Variants in THEMIS observed in about 807,000 individuals in gnomAD.
The protein encoded by THEMIS is protein THEMIS.
A neutral mutation model predicts 52.6 loss-of-function variants in THEMIS; 37 were observed. The observed-to-expected ratio is 0.70, with a 90% CI of 0.54 to 0.93. The LOEUF is 0.93. Ranked by LOEUF, THEMIS falls within the 40% of genes least tolerant of loss-of-function variation. The pLI is 0.00. For synonymous variants in THEMIS, 292 were observed against 272.7 expected (o/e 1.07, Z -0.70); for missense variants, 808 against 763.1 (o/e 1.06, Z -0.69).
rs184873867 is a variant in THEMIS at position 127,883,138 on chromosome 6, C to T, written c.91+17704G>A. On this transcript the variant is annotated intron_variant, in intron 1 of 5. Transcript: ENST00000368248. ...GATTTCTTATGCATGTTTACTTCAA[C>T]AACTAAATTTGTGTAGCCAAAATGC... Among the ~76,000 whole-genome samples the T allele has an allele frequency of 1.3e-3, 199 of 152,060 alleles. No homozygotes were observed. In the East Asian group the frequency reaches 0.013, roughly 10 times the overall value.
chr6:127,764,036 G>A (rs1467074749), intron 4 of THEMIS, among the ~76,000 whole-genome samples: 1 of 151,894 alleles, frequency 6.6e-6, no homozygotes, highest in Non-Finnish European at 1.5e-5. Flanking sequence ...AGAAACAAAT[G>A]AGAGTATCAT....
Position 127,855,144 on chromosome 6 carries a change from C to T in THEMIS, c.136G>A (p.Gly46Arg), listed in dbSNP as rs376807047. Residue 46 changes from glycine to arginine, a missense_variant, in exon 2 of 6, where the codon GGA becomes AGA. Physicochemically the swap from Gly to Arg is moderately radical, Grantham distance 125. Transcript: ENST00000368248. ...AGACCAGTAATTTTAATCACTTCTC[C>T]TGTTGAAAAACAGCATTCATTTCCA... Reference protein sequence around the residue: ...MFGNECCFSTGEVIKITGLKV... With the variant: ...MFGNECCFSTREVIKITGLKV... The T allele has an allele frequency of 3.2e-5, 51 of 1,607,906 alleles. No homozygotes were observed. Among genetic ancestry groups the T allele is most frequent in the Non-Finnish European group, 4.1e-5 (48 of 1,177,360 alleles).
chr6:127,802,227 C>T (rs983503729), intron 4 of THEMIS, among the ~76,000 whole-genome samples: 2 of 152,064 alleles, frequency 1.3e-5, no homozygotes, highest in African/African-American at 4.8e-5. Flanking sequence ...CCTACTCATC[C>T]CAGCTGGGAG....
At chr6:127,821,291 G>T (rs944858917) in intron 3 of THEMIS, among the ~76,000 whole-genome samples, 4 of 151,950 alleles carry the variant, frequency 2.6e-5, no homozygotes, top group Admixed American at 2.0e-4. Flanking sequence ...ATTAGAAAAT[G>T]TCATTTTCCA....
chr6:127,876,265 A>C (rs2114405498), intron 1 of THEMIS, among the ~76,000 whole-genome samples: 1 of 152,320 alleles, frequency 6.6e-6, no homozygotes, highest in Non-Finnish European at 1.5e-5. Flanking sequence ...ACCAGCAGGC[A>C]CTGGCACTAG....
At chr6:127,764,014 T>C (rs1375963986) in intron 4 of THEMIS, among the ~76,000 whole-genome samples, 1 of 151,892 alleles carries the variant, frequency 6.6e-6, no homozygotes, top group Non-Finnish European at 1.5e-5. Flanking sequence ...TTTAATTAGA[T>C]GTAGTTAAGG....
intron 2 of THEMIS, among the ~76,000 whole-genome samples, chr6:127,838,475 T>C (rs1008982361): frequency 1.3e-5 from 2 of 152,080 alleles, no homozygotes; most frequent in African/African-American, 4.8e-5. Flanking sequence ...TTTTAAAAAT[T>C]GAGTTATCTT....
exon 1 of THEMIS, chr6:127,918,462 T>C (rs766367771): frequency 7.9e-5 from 12 of 152,220 alleles, no homozygotes; most frequent in African/African-American, 1.2e-4. Flanking sequence ...ATGATCATTA[T>C]CTGCGTAAGA....
chr6:127,710,644 C>T (rs1749635752), intron 5 of THEMIS, among the ~76,000 whole-genome samples: 1 of 152,026 alleles, frequency 6.6e-6, no homozygotes, highest in African/African-American at 2.4e-5. Flanking sequence ...TCATGTCAGA[C>T]TCTCAAATAA....
chr6:127,811,082 C>A (rs1420795286), intron 4 of THEMIS, among the ~76,000 whole-genome samples: 1 of 152,018 alleles, frequency 6.6e-6, no homozygotes, highest in African/African-American at 2.4e-5. Context: ...ACAACAACAA[C>A]AAAAAGTTTC....
At chr6:127,732,253 C>T (rs1174408485) in intron 4 of THEMIS, among the ~76,000 whole-genome samples, 3 of 151,894 alleles carry the variant, frequency 2.0e-5, no homozygotes, top group African/African-American at 2.4e-5. Flanking sequence ...TCATTTCAAT[C>T]ATTTTTAGGA....
At chr6:127,835,001 G>C (rs577460997) in intron 2 of THEMIS, among the ~76,000 whole-genome samples, 44 of 152,252 alleles carry the variant, frequency 2.9e-4, no homozygotes, top group African/African-American at 1.1e-3. Context: ...ACGATGAGGA[G>C]AGAGAATGTG....
chr6:127,871,138 C>A (rs9385442), intron 1 of THEMIS, among the ~76,000 whole-genome samples: 38 of 152,042 alleles, frequency 2.5e-4, no homozygotes, highest in African/African-American at 9.2e-4. Flanking sequence ...TATTCTATGA[C>A]CACAATGAAT....
intron 4 of THEMIS, among the ~76,000 whole-genome samples, chr6:127,757,919 T>TA (rs776025457): frequency 2.0e-5 from 3 of 152,062 alleles, no homozygotes; most frequent in African/African-American, 7.2e-5. Context: ...AGACAATAAT[T>TA]ATTCTCTATA....
At chr6:127,744,696 T>C (rs1775325783) in intron 4 of THEMIS, among the ~76,000 whole-genome samples, 1 of 151,988 alleles carries the variant, frequency 6.6e-6, no homozygotes, top group Non-Finnish European at 1.5e-5. Context: ...GGTGTTCTTG[T>C]TCAATGAATA....
At chr6:127,824,718 C>T (rs1160276637) in intron 3 of THEMIS, among the ~76,000 whole-genome samples, 1 of 152,156 alleles carries the variant, frequency 6.6e-6, no homozygotes, top group Non-Finnish European at 1.5e-5. Context: ...AGGATGGTCT[C>T]GATCTCCTGA....
chr6:127,849,666 G>A (rs959575009), intron 2 of THEMIS, among the ~76,000 whole-genome samples: 5 of 151,800 alleles, frequency 3.3e-5, no homozygotes, highest in Non-Finnish European at 7.4e-5. Flanking sequence ...TTCAATAAAT[G>A]GTGCTAGAAA....
rs993381843 is a variant in THEMIS at position 127,815,780 on chromosome 6, C to T, written c.710-1849G>A. ...AATTCTAGAGCTAGCTCTAGATAGG[C>T]TCATGCTATTCCTCAAGTCTAGGGA... On this transcript the variant is annotated intron_variant, in intron 3 of 5. Coordinates refer to ENST00000368248, the MANE Select transcript of THEMIS (RefSeq NM_001010923.3). Among the ~76,000 whole-genome samples the T allele has an allele frequency of 2.6e-5, 4 of 152,106 alleles. No individual in the cohort carries two copies. The East Asian group carries it at 7.7e-4, about 29-fold the overall frequency.
At chr6:127,855,995 A>G (rs1437410108) in intron 1 of THEMIS, among the ~76,000 whole-genome samples, 3 of 152,002 alleles carry the variant, frequency 2.0e-5, no homozygotes, top group Non-Finnish European at 4.4e-5. Flanking sequence ...CCCAAAAACT[A>G]TATCTCTGGC....
Sources: gnomAD v4.1 joint callset for allele counts (sites outside exome capture counted in the v4.1 genomes callset) on GRCh38, gnomAD v4.1.1 for gene constraint, MANE v1.5 for transcripts, NCBI Gene and HGNC (gene_info 2026-07-23, HGNC 2026-07-21) for gene names.